Variants in EHMT1 observed in about 807,000 individuals in gnomAD.
The protein encoded by EHMT1 is histone-lysine N-methyltransferase EHMT1.
A neutral mutation model predicts 147.2 loss-of-function variants in EHMT1; 15 were observed. The ratio of observed to expected loss-of-function variants is 0.10; its 90% confidence interval spans 0.07 to 0.16. The LOEUF (loss-of-function observed/expected upper bound fraction) is 0.16. EHMT1 is among the 10% of genes least tolerant of loss of function. The pLI is 1.00. For missense variants in EHMT1, 1,587 were observed against 1,772.4 expected (o/e 0.90, Z 1.88); for synonymous variants, 795 against 709.6 (o/e 1.12, Z -1.91).
intron 14 of EHMT1, among the ~76,000 whole-genome samples, chr9:137,780,985 TGGGATGTGTGGTGATGACGCC>T (rs1564747921): frequency 3.2e-5 from 1 of 31,086 alleles, no homozygotes; most frequent in African/African-American, 8.7e-5. Context: ...GTGATGACGC[TGGGATGTGTGGTGATGACGCC>T]GGGATGTGTG....
intron 16 of EHMT1, among the ~76,000 whole-genome samples, chr9:137,796,722 AAAT>A (rs1952982824): frequency 6.9e-6 from 1 of 145,648 alleles, no homozygotes. Context: ...AAAAAAAAAG[AAAT>A]GAAACCACAC....
Position 137,775,874 on chromosome 9 carries a change from G to A in EHMT1, c.1791+622G>A, listed in dbSNP as rs1028543679. ...AGCTCCCCTGTGTGGGCATCCTCGT[G>A]CATGTAGGGTGTGTGTGTGTGTGTG... On this transcript the variant is annotated intron_variant, in intron 11 of 26. Transcript: ENST00000460843. The surrounding 1 kb of genome is among the most constrained non-coding windows in gnomAD (Gnocchi z 6.1). 4.7e-5 allele frequency among the ~76,000 whole-genome samples: 7 copies of A among 150,152 alleles called. No homozygotes were observed. Among genetic ancestry groups the A allele is most frequent in the African/African-American group, 1.8e-4 (7 of 39,794 alleles).
intron 1 of EHMT1, among the ~76,000 whole-genome samples, chr9:137,691,424 C>T (rs143018571): frequency 0.016 from 2,437 of 151,474 alleles, 32 homozygotes; most frequent in Non-Finnish European, 0.027. Context: ...GTGATCTGCC[C>T]GCCTCAGCCT....
intron 1 of EHMT1, chr9:137,665,857 G>T (rs114661546): frequency 1.8e-4 from 28 of 152,344 alleles, no homozygotes; most frequent in African/African-American, 6.7e-4. Context: ...GGGCGGCCGC[G>T]TGCAGCTCTG....
chr9:137,691,044 G>T (rs1480904195), intron 1 of EHMT1, among the ~76,000 whole-genome samples: 2 of 152,072 alleles, frequency 1.3e-5, no homozygotes, highest in Non-Finnish European at 2.9e-5. Flanking sequence ...TCCAGCTCCA[G>T]AACTTTTTCA....
At chr9:137,809,103 T>A (rs576143515) in intron 18 of EHMT1, among the ~76,000 whole-genome samples, 6 of 151,972 alleles carry the variant, frequency 3.9e-5, no homozygotes, top group South Asian at 2.1e-4. Context: ...CAGAGGCTCT[T>A]CAGGAAATCC....
intron 16 of EHMT1, 33 bp downstream of exon 16, chr9:137,791,003 G>T: frequency 6.2e-7 from 1 of 1,614,190 alleles, no homozygotes; most frequent in Middle Eastern, 1.6e-4. Flanking sequence ...ACGTCCTAGT[G>T]TGTGTGTAGA....
rs1321920494 is a variant in EHMT1, at chr9:137,787,851, C to CA, written c.2383-2996dup. On this transcript the variant is annotated intron_variant, in intron 15 of 26. Coordinates refer to ENST00000460843, the MANE Select transcript of EHMT1 (RefSeq NM_024757.5). This position sits in a 1 kb window ranked among gnomAD's most constrained non-coding sequence, Gnocchi z 4.2. The stretch of plus-strand genomic sequence containing the variant: ...GTAGGCAGAGCTGGTTGACGGTGGA[C>CA]ATTGGGGATAGGAGGTGGGTGGGGG... 1.9e-6 allele frequency: 2 copies of CA among 1,071,922 alleles called. No individual in the cohort carries two copies. The highest frequency in any genetic ancestry group is 1.5e-5 in the African/African-American group (1 of 64,672). The allele number at this position is 1,071,922 out of a possible 1,614,324, so 66.4% of individuals were successfully genotyped here. A position where few individuals can be genotyped will look rare whatever the true frequency, so the allele number is the denominator to read the frequency against.
At chr9:137,758,344 C>T (rs946511850) in intron 9 of EHMT1, among the ~76,000 whole-genome samples, 3 of 152,188 alleles carry the variant, frequency 2.0e-5, no homozygotes, top group East Asian at 1.9e-4. Context: ...TCAGGACACA[C>T]GGGGACGTAC....
intron 1 of EHMT1, among the ~76,000 whole-genome samples, chr9:137,656,473 G>A (rs541926309): frequency 5.8e-4 from 89 of 152,334 alleles, no homozygotes; most frequent in African/African-American, 2.1e-3. Context: ...CTTAGATTTC[G>A]AAGTTTCCTG....
intron 18 of EHMT1, among the ~76,000 whole-genome samples, chr9:137,809,483 C>A (rs1954233899): frequency 1.3e-5 from 2 of 152,218 alleles, no homozygotes; most frequent in Admixed American, 1.3e-4. Flanking sequence ...AGACCGCACC[C>A]CTGCAGGGGT....
At chr9:137,740,087 G>A (rs1947918315) in intron 4 of EHMT1, among the ~76,000 whole-genome samples, 1 of 152,140 alleles carries the variant, frequency 6.6e-6, no homozygotes, top group Non-Finnish European at 1.5e-5. Flanking sequence ...CACCTTGTCT[G>A]CCCTCTGGAG....
chr9:137,813,662 T>C lies in EHMT1; in HGVS notation c.3180+132T>C, dbSNP rs1213956458. On this transcript the variant is annotated intron_variant, in intron 21 of 26. Coordinates refer to ENST00000460843, the MANE Select transcript of EHMT1 (RefSeq NM_024757.5). The surrounding 1 kb of genome is among the most constrained non-coding windows in gnomAD (Gnocchi z 4.9). Reference sequence around the variant, plus strand: ...TGGGGGGCTTCCCAGGAAGACCTCATTCTCTTTGTAGTTGCCTCCCGTGAA... The same window carrying C: ...TGGGGGGCTTCCCAGGAAGACCTCACTCTCTTTGTAGTTGCCTCCCGTGAA... 2.3e-6 allele frequency: 3 copies of C among 1,324,462 alleles called. No homozygotes were observed. The highest frequency in any genetic ancestry group is 3.1e-6 in the Non-Finnish European group (3 of 952,850). 82.0% of individuals were successfully genotyped at this position (1,324,462 alleles called of 1,614,324 possible). A position where few individuals can be genotyped will look rare whatever the true frequency, so the allele number is the denominator to read the frequency against.
chr9:137,726,779 T>C (rs574416755), intron 3 of EHMT1, among the ~76,000 whole-genome samples: 2 of 152,328 alleles, frequency 1.3e-5, no homozygotes, highest in South Asian at 2.1e-4. Flanking sequence ...TTCTGTTCTT[T>C]CCTAGTAGCC....
rs1246981852 is a variant in EHMT1 at position 137,834,237 on chromosome 9, C to T, written c.3541-112C>T. The T allele has an allele frequency of 2.3e-5, 32 of 1,387,256 alleles. No individual in the cohort carries two copies. In the Admixed American group the frequency reaches 4.8e-4, roughly 21 times the overall value. 85.9% of individuals were successfully genotyped at this position (1,387,256 alleles called of 1,614,324 possible). On this transcript the variant is annotated intron_variant, in intron 25 of 26. Transcript: ENST00000460843. Reference sequence around the variant, plus strand: ...ACTGGAGAAGGCCCCTCCTGCATGGCGGGCCTGCGCCCAACTGCAGGCTCC... The same window carrying T: ...ACTGGAGAAGGCCCCTCCTGCATGGTGGGCCTGCGCCCAACTGCAGGCTCC...
At chr9:137,690,647 G>T (rs375913673) in intron 1 of EHMT1, among the ~76,000 whole-genome samples, 2 of 152,034 alleles carry the variant, frequency 1.3e-5, no homozygotes, top group Non-Finnish European at 2.9e-5. Context: ...TCGGCTCACT[G>T]CAACCTCTGC....
chr9:137,815,063 C>T (rs1457851266), intron 22 of EHMT1, among the ~76,000 whole-genome samples: 8 of 150,722 alleles, frequency 5.3e-5, no homozygotes, highest in South Asian at 2.1e-4. Context: ...TAAGCAGAGG[C>T]GGAGAGTTCC....
In EHMT1 at chr9:137,635,124, G is replaced by A. The variant is rs916193265; in HGVS notation, c.21+16075G>A. Among the ~76,000 whole-genome samples the A allele has an allele frequency of 2.6e-5, 4 of 152,052 alleles. No individual in the cohort carries two copies. In the South Asian group the frequency reaches 8.3e-4, roughly 32 times the overall value. On this transcript the variant is annotated intron_variant, in intron 1 of 26. Coordinates refer to ENST00000460843, the MANE Select transcript of EHMT1 (RefSeq NM_024757.5). ...TGTGTTGAATATGTAGATCAGTTTA[G>A]GATATCGCCATCTTAATAGCAAGTC...
intron 1 of EHMT1, among the ~76,000 whole-genome samples, chr9:137,643,627 C>T (rs945421002): frequency 2.6e-5 from 4 of 152,076 alleles, no homozygotes; most frequent in Non-Finnish European, 5.9e-5. Context: ...GGATTACAGG[C>T]GTGAGCCACC....
Sources: gnomAD v4.1 joint callset for allele counts (sites outside exome capture counted in the v4.1 genomes callset) on GRCh38, gnomAD v4.1.1 for gene constraint, Gnocchi (gnomAD v3.1) non-coding constraint, MANE v1.5 for transcripts, NCBI Gene and HGNC (gene_info 2026-07-23, HGNC 2026-07-21) for gene names.